Variants in OAS3 observed in about 807,000 individuals in gnomAD.
OAS3 encodes the protein 2'-5'-oligoadenylate synthase 3.
OAS3 carries 107 observed loss-of-function variants against 113.0 expected under a neutral mutation model. The observed-to-expected ratio is 0.95, with a 90% CI of 0.81 to 1.11. OAS3 has a LOEUF of 1.11. Among genes scored for constraint, OAS3 ranks in the 50% most tolerant of loss-of-function variants. The probability of loss-of-function intolerance (pLI) is 0.00; values close to 1 mark genes in which losing one functional copy is unlikely to be tolerated. For synonymous variants in OAS3, 552 were observed against 573.6 expected (o/e 0.96, Z 0.54); for missense variants, 1,258 against 1,389.1 (o/e 0.91, Z 1.50).
chr12:112,944,459 G>A lies in OAS3; in HGVS notation c.461-17G>A, dbSNP rs2043708101. On this transcript the variant is annotated splice_polypyrimidine_tract_variant and intron_variant, in intron 2 of 15. Transcript: ENST00000228928. ...TCCTCAGTGCCCTCCCTAACTCACA[G>A]CGCTTCACACCAACAGGTCAGGCCG... is the stretch of plus-strand genomic sequence containing the variant. The A allele has an allele frequency of 3.1e-6, 5 of 1,613,662 alleles. No individual in the cohort carries two copies. The South Asian group carries it at 5.5e-5, about 18-fold the overall frequency.
At chr12:112,953,956 GGTA>G (rs1242266788) in intron 7 of OAS3, among the ~76,000 whole-genome samples, 1 of 152,076 alleles carries the variant, frequency 6.6e-6, no homozygotes, top group African/African-American at 2.4e-5. Context: ...TCACTCTGAT[GGTA>G]GTTTCTTTTG....
chr12:112,938,752 T>C, intron 1 of OAS3, 45 bp downstream of exon 1: 2 of 749,488 alleles, frequency 2.7e-6, no homozygotes, highest in Non-Finnish European at 3.7e-6. Context: ...AGGGGAGTCC[T>C]GGGAGGACGC....
intron 1 of OAS3, among the ~76,000 whole-genome samples, chr12:112,940,636 T>C (rs1379553412): frequency 6.6e-6 from 1 of 152,258 alleles, no homozygotes; most frequent in African/African-American, 2.4e-5. Context: ...ATTGCAAATG[T>C]GTGTTCTGCA....
rs1565976474 is a variant in OAS3, at chr12:112,949,002, C to T, written c.1171C>T (p.Pro391Ser). Residue 391 changes from proline to serine, a missense_variant, in exon 6 of 16, where the codon CCC becomes TCC. Pro to Ser is a moderately conservative substitution (Grantham distance 74). Transcript: ENST00000228928. ...SKPPSCPAPGPTGAASIVPSV... is the reference protein window; with the variant it reads ...SKPPSCPAPGSTGAASIVPSV... ...ACCTCCCTCATGCCCAGCTCCTGGC[C>T]CCACTGGGGCAGCCAGCATCGTCCC... is the stretch of plus-strand genomic sequence containing the variant. 1 of 1,614,022 alleles carries T rather than the reference C, an allele frequency of 6.2e-7. No homozygotes were observed. Among genetic ancestry groups the T allele is most frequent in the Non-Finnish European group, 8.5e-7 (1 of 1,179,892 alleles).
At chr12:112,943,510 C>T (rs997903012) in intron 2 of OAS3, among the ~76,000 whole-genome samples, 5 of 152,088 alleles carry the variant, frequency 3.3e-5, no homozygotes, top group African/African-American at 4.8e-5. Context: ...GCGGAAAAGG[C>T]GCACCCTGCA....
chr12:112,962,754 C>A lies in OAS3; in HGVS notation c.1936C>A (p.Gln646Lys). The A allele has an allele frequency of 6.2e-7, 1 of 1,614,018 alleles. No homozygotes were observed. The highest frequency in any genetic ancestry group is 8.5e-7 in the Non-Finnish European group (1 of 1,179,898). The change falls in exon 9 of 16, where the codon CAG becomes AAG. Residue 646 changes from glutamine (Q) to lysine (K), a missense_variant. Transcript: ENST00000228928. Reference sequence around the variant, plus strand: ...CTTTGCCTGGGAGCAGGGCTGCAGGCAGGATTGTTTCAACATGGCCCAAGG... The same window carrying A: ...CTTTGCCTGGGAGCAGGGCTGCAGGAAGGATTGTTTCAACATGGCCCAAGG... ...TIFAWEQGCR[Q>K]DCFNMAQGFR...
rs553528767 is a variant in OAS3 at position 112,973,205 on chromosome 12, G to A, written c.*3232G>A. On this transcript the variant is annotated 3_prime_UTR_variant, in exon 16 of 16. Coordinates refer to ENST00000228928, the MANE Select transcript of OAS3 (RefSeq NM_006187.4). The stretch of plus-strand genomic sequence containing the variant: ...TCCCTAGAAACCACCAATCTGCTGT[G>A]TATTTCATCTATTGCCAACATTTCA... The A allele has an allele frequency of 6.6e-6, 1 of 152,252 alleles. No homozygotes were observed. The highest frequency in any genetic ancestry group is 2.1e-4 in the South Asian group (1 of 4,820). 9.4% of individuals were successfully genotyped at this position (152,252 alleles called of 1,614,324 possible).
At chr12:112,944,876 T>C (rs1298358991) in intron 3 of OAS3, 2 of 567,130 alleles carry the variant, frequency 3.5e-6, no homozygotes, top group Non-Finnish European at 6.3e-6. Flanking sequence ...GTTAATATAA[T>C]GCATTCTTCC....
intron 12 of OAS3, 39 bp downstream of exon 12, chr12:112,966,068 A>G (rs1365489393): frequency 6.2e-7 from 1 of 1,606,590 alleles, no homozygotes; most frequent in African/African-American, 1.3e-5. Context: ...GGGGAAATAC[A>G]GAGGCAGGGC....
At chr12:112,944,171 G>A (rs2043705536) in intron 2 of OAS3, among the ~76,000 whole-genome samples, 1 of 152,212 alleles carries the variant, frequency 6.6e-6, no homozygotes, top group Non-Finnish European at 1.5e-5. Context: ...TCAGCTGGAA[G>A]CAACTTTCCT....
At position 112,973,178 on chromosome 12, in the gene OAS3, A is replaced by C. The variant is rs1226285382; in HGVS notation, c.*3205A>C. The stretch of plus-strand genomic sequence containing the variant: ...CATTCCTCCAACCCATTCTCTCCCT[A>C]ATCCCTAGAAACCACCAATCTGCTG... On this transcript the variant is annotated 3_prime_UTR_variant, in exon 16 of 16. Transcript: ENST00000228928. 4 of 152,138 alleles carry C rather than the reference A, an allele frequency of 2.6e-5. No individual in the cohort carries two copies. Among genetic ancestry groups the C allele is most frequent in the South Asian group, 4.1e-4 (2 of 4,828 alleles). The allele number at this position is 152,138 out of a possible 1,614,324, so 9.4% of individuals were successfully genotyped here.
rs999457804 is a variant in OAS3 at position 112,941,830 on chromosome 12, G to C, written c.438G>C (p.Leu146=). 3.7e-6 allele frequency: 6 copies of C among 1,613,884 alleles called. No homozygotes were observed. The East Asian group carries it at 1.1e-4, about 30-fold the overall frequency. ...TTGAGGACTGGATGGATGTTAGCCT[G>C]GTGCCTGCCTTCAATGTCCTGGGTG... The part of the protein sequence containing the change: ...VDLEDWMDVS[L]VPAFNVLGQA... The change falls in exon 2 of 16, where the codon CTG becomes CTC. Residue 146 remains leucine (L), a synonymous_variant. Transcript: ENST00000228928.
intron 15 of OAS3, 96 bp from the exon 16 acceptor site, chr12:112,969,866 G>A: frequency 6.3e-7 from 1 of 1,584,966 alleles, no homozygotes; most frequent in Non-Finnish European, 8.6e-7. Flanking sequence ...ATGGCCCCAG[G>A]TATGCCCCTG....
At chr12:112,965,661 C>A in intron 11 of OAS3, 83 bp from the exon 12 acceptor site, 1 of 1,307,918 alleles carries the variant, frequency 7.6e-7, no homozygotes, top group Non-Finnish European at 1.0e-6. Flanking sequence ...CAAGGTCACA[C>A]AGTAGGTTTT....
Position 112,946,962 on chromosome 12 carries a change from C to G in OAS3, c.856C>G (p.Arg286Gly). The change falls in exon 4 of 16, where the codon CGG (arginine) becomes GGG (glycine). Residue 286 changes from arginine to glycine, a missense_variant. Arg to Gly is a moderately radical substitution (Grantham distance 125). Transcript: ENST00000228928. The part of the protein sequence containing the change: ...EDPAVGQFLQ[R>G]QLKRPRPVIL... ...CCCTGCAGTTGGGCAGTTCTTGCAG[C>G]GGCAGCTTAAGAGACCCAGGTACTT... 6.2e-7 allele frequency: 1 copy of G among 1,613,920 alleles called. No individual in the cohort carries two copies.
chr12:112,947,002 A>C, intron 4 of OAS3, 21 bp downstream of exon 4: 1 of 1,595,778 alleles, frequency 6.3e-7, no homozygotes, highest in Non-Finnish European at 8.6e-7. Flanking sequence ...ATAGCCCACC[A>C]TCTGCTCTCC....
chr12:112,969,628 C>G lies in OAS3; in HGVS notation c.3125C>G (p.Ala1042Gly). 1 of 1,601,816 alleles carries G rather than the reference C, an allele frequency of 6.2e-7. No individual in the cohort carries two copies. Among genetic ancestry groups the G allele is most frequent in the Non-Finnish European group, 8.5e-7 (1 of 1,174,064 alleles). ...QKPRPIILDP[A>G]DPTGNLGHNA... ...TGCAGGCCTATCATCCTGGATCCGG[C>G]TGACCCGACAGGCAACCTGGGCCAC... Residue 1042 changes from alanine (A) to glycine (G), a missense_variant, in exon 15 of 16, where the codon GCT becomes GGT. By Grantham distance (60) the Ala-to-Gly change is moderately conservative. Transcript: ENST00000228928.
rs1234101338 is a variant in OAS3 at position 112,967,581 on chromosome 12, C to G, written c.2853C>G (p.His951Gln). The G allele has an allele frequency of 7.4e-6, 12 of 1,613,462 alleles. No homozygotes were observed. The highest frequency in any genetic ancestry group is 1.0e-5 in the Non-Finnish European group (12 of 1,179,666). ...AGAGCCTGATCCGGCTGGTGAAGCACTGGTACCAGCAGGTTCGGCACATGG... is the reference window on the plus strand; with the variant it reads ...AGAGCCTGATCCGGCTGGTGAAGCAGTGGTACCAGCAGGTTCGGCACATGG... ...KLKSLIRLVK[H>Q]WYQQCTKISK... is the part of the protein sequence containing the mutation. Residue 951 changes from histidine (H) to glutamine (Q), a missense_variant, in exon 13 of 16, where the codon CAC becomes CAG. By Grantham distance (24) the His-to-Gln change is conservative. Transcript: ENST00000228928.
rs2043683593 is a variant in OAS3 at position 112,941,880 on chromosome 12, T to A, written c.460+28T>A. 4 of 1,613,774 alleles carry A rather than the reference T, an allele frequency of 2.5e-6. No individual in the cohort carries two copies. In the African/African-American group the frequency reaches 5.3e-5, roughly 22 times the overall value. On this transcript the variant is annotated intron_variant, in intron 2 of 15. Coordinates refer to ENST00000228928, the MANE Select transcript of OAS3 (RefSeq NM_006187.4). ...GAGGGGTTCCTAGACCATTCCAGGG[T>A]TGGGGGCAAAAGATCATTGGGAACA...
Sources: allele counts gnomAD v4.1 joint callset (sites outside exome capture counted in the v4.1 genomes callset), GRCh38; gene constraint gnomAD v4.1.1; transcripts MANE v1.5; gene names NCBI Gene and HGNC (gene_info 2026-07-23, HGNC 2026-07-21).